Variants in LRRC28 observed in about 807,000 individuals in gnomAD.
LRRC28 encodes leucine rich repeat containing 28.
A neutral mutation model predicts 45.7 loss-of-function variants in LRRC28; 39 were observed. The ratio of observed to expected loss-of-function variants is 0.85; its 90% CI spans 0.66 to 1.12. LRRC28 has a LOEUF of 1.12. Ranked by LOEUF, LRRC28 falls within the 50% of genes most tolerant of loss-of-function variation. LRRC28 has a pLI of 0.00. For missense variants in LRRC28, 435 were observed against 438.5 expected (o/e 0.99, Z 0.07); for synonymous variants, 206 against 178.8 (o/e 1.15, Z -1.22).
intron 6 of LRRC28, among the ~76,000 whole-genome samples, chr15:99,347,303 G>A (rs768745585): frequency 9.2e-5 from 14 of 151,700 alleles, no homozygotes; most frequent in South Asian, 4.2e-4. Context: ...TCCGCCTCCC[G>A]GGTTCACGCC....
At chr15:99,318,841 T>C (rs1463572203) in intron 5 of LRRC28, among the ~76,000 whole-genome samples, 1 of 152,080 alleles carries the variant, frequency 6.6e-6, no homozygotes, top group African/African-American at 2.4e-5. Flanking sequence ...TGTGCATGTG[T>C]TTTTCCAGTG....
At chr15:99,312,800 CG>C (rs1955460433) in intron 5 of LRRC28, among the ~76,000 whole-genome samples, 1 of 152,052 alleles carries the variant, frequency 6.6e-6, no homozygotes, top group Non-Finnish European at 1.5e-5. Context: ...GTCTTCTCTG[CG>C]GTCTATTGTT....
At chr15:99,308,432 C>T (rs918906673) in intron 5 of LRRC28, among the ~76,000 whole-genome samples, 2 of 151,966 alleles carry the variant, frequency 1.3e-5, no homozygotes, top group African/African-American at 4.8e-5. Context: ...TTTGGGAGGC[C>T]GAGGTAGGAG....
chr15:99,343,346 A>T (rs1216204327), intron 6 of LRRC28, among the ~76,000 whole-genome samples: 1 of 152,168 alleles, frequency 6.6e-6, no homozygotes, highest in Non-Finnish European at 1.5e-5. Flanking sequence ...GCTTGCTTTT[A>T]CAGTATGGTT....
At chr15:99,371,820 G>A (rs911393645) in intron 9 of LRRC28, among the ~76,000 whole-genome samples, 1 of 152,196 alleles carries the variant, frequency 6.6e-6, no homozygotes, top group African/African-American at 2.4e-5. Context: ...TTGACCATCT[G>A]TCATGGGCTG....
At chr15:99,333,791 C>G in intron 5 of LRRC28, 132 bp from the exon 6 acceptor site, 1 of 935,700 alleles carries the variant, frequency 1.1e-6, no homozygotes, top group Non-Finnish European at 1.6e-6. Flanking sequence ...AAATCCTGCA[C>G]TTCAGCATTC....
At chr15:99,335,133 T>C (rs899930567) in intron 6 of LRRC28, among the ~76,000 whole-genome samples, 8 of 152,194 alleles carry the variant, frequency 5.3e-5, no homozygotes, top group Non-Finnish European at 1.2e-4. Context: ...TCAGAGCTTC[T>C]TTCAAGTGAG....
At chr15:99,263,006 G>A (rs888535471) in intron 2 of LRRC28, among the ~76,000 whole-genome samples, 1 of 151,874 alleles carries the variant, frequency 6.6e-6, no homozygotes, top group African/African-American at 2.4e-5. Context: ...TAACTGATAG[G>A]TGAAAAAGAA....
intron 5 of LRRC28, among the ~76,000 whole-genome samples, chr15:99,303,126 A>C (rs910128702): frequency 2.0e-5 from 3 of 152,230 alleles, no homozygotes; most frequent in African/African-American, 7.2e-5. Context: ...TGAGGGTTCC[A>C]GTTCCTCAAC....
Position 99,334,012 on chromosome 15 carries a change from C to T in LRRC28, c.475C>T (p.Leu159=). Reference sequence around the variant, plus strand: ...CGAGAGGCTTCACATGTGCCTTTCTCTGCAGTACCTCACTGTGGACCGAAA... The same window carrying T: ...CGAGAGGCTTCACATGTGCCTTTCTTTGCAGTACCTCACTGTGGACCGAAA... ...LPERLHMCLS[L]QYLTVDRNRL... The change falls in exon 6 of 10, where the codon CTG becomes TTG. Residue 159 remains leucine, a synonymous_variant. Transcript: ENST00000301981. The T allele has an allele frequency of 6.2e-7, 1 of 1,614,160 alleles. No individual in the cohort carries two copies. Among genetic ancestry groups the T allele is most frequent in the Non-Finnish European group, 8.5e-7 (1 of 1,180,028 alleles).
chr15:99,330,538 A>G (rs1304631774), intron 5 of LRRC28, among the ~76,000 whole-genome samples: 1 of 152,120 alleles, frequency 6.6e-6, no homozygotes, highest in Non-Finnish European at 1.5e-5. Context: ...TCTGATATGA[A>G]TATAGCTGCT....
intron 5 of LRRC28, among the ~76,000 whole-genome samples, chr15:99,315,563 T>C (rs1364423432): frequency 6.6e-6 from 1 of 152,224 alleles, no homozygotes; most frequent in East Asian, 1.9e-4. Flanking sequence ...TAGAGACTCA[T>C]ATGCTGTCCA....
Position 99,334,120 on chromosome 15 carries a change from T to C in LRRC28, c.583T>C (p.Leu195=). ...LSMAGNRLAF[L]PLDLGRSREL... ...CATGGCTGGAAACCGTCTTGCATTT[T>C]TGCCACTTGGTAAGTGATTGTGTTT... Residue 195 remains leucine, a synonymous_variant, in exon 6 of 10, where the codon TTG becomes CTG. Coordinates refer to ENST00000301981, the MANE Select transcript of LRRC28 (RefSeq NM_144598.5). 1 of 1,614,148 alleles carries C rather than the reference T, an allele frequency of 6.2e-7. No homozygotes were observed. The highest frequency in any genetic ancestry group is 8.5e-7 in the Non-Finnish European group (1 of 1,179,984).
At chr15:99,368,908 A>G (rs1025316424) in intron 9 of LRRC28, among the ~76,000 whole-genome samples, 2 of 152,308 alleles carry the variant, frequency 1.3e-5, no homozygotes, top group African/African-American at 4.8e-5. Flanking sequence ...ACTCACATCT[A>G]TAAGCAGCAA....
intron 9 of LRRC28, among the ~76,000 whole-genome samples, chr15:99,365,644 T>G (rs116899545): frequency 3.3e-5 from 5 of 152,374 alleles, no homozygotes; most frequent in Non-Finnish European, 5.9e-5. Flanking sequence ...TTCTAATATA[T>G]TCAGTTGTTT....
chr15:99,285,808 T>G (rs1384209362), intron 3 of LRRC28: 1 of 454,760 alleles, frequency 2.2e-6, no homozygotes, highest in Admixed American at 2.9e-5. Context: ...TGAAAAAAAT[T>G]TTTTTAATCA....
chr15:99,325,387 C>T (rs552356260), intron 5 of LRRC28, among the ~76,000 whole-genome samples: 184 of 152,238 alleles, frequency 1.2e-3, no homozygotes, highest in African/African-American at 3.7e-3. Flanking sequence ...TAAAGTTTTA[C>T]TTCTTCTCTT....
rs538278303 is a variant in LRRC28 at position 99,309,148 on chromosome 15, T to C, written c.385+21197T>C. On this transcript the variant is annotated intron_variant, in intron 5 of 9. Coordinates refer to ENST00000301981, the MANE Select transcript of LRRC28 (RefSeq NM_144598.5). ...TGCTGCCATGAGTAAATATACTAAT[T>C]AGGCTTGTTAGTGGTTATTTTCCAT... is the stretch of plus-strand genomic sequence containing the variant. Among the ~76,000 whole-genome samples the C allele has an allele frequency of 2.5e-4, 38 of 152,318 alleles. No homozygotes were observed. In the South Asian group the frequency reaches 7.9e-3, roughly 32 times the overall value.
intron 7 of LRRC28, among the ~76,000 whole-genome samples, chr15:99,358,517 A>G (rs915197127): frequency 4.6e-5 from 7 of 152,190 alleles, no homozygotes; most frequent in Non-Finnish European, 4.4e-5. Context: ...CAGACTTGTC[A>G]AATGATAGAA....
Sources: allele counts gnomAD v4.1 joint callset (sites outside exome capture counted in the v4.1 genomes callset), GRCh38; gene constraint gnomAD v4.1.1; transcripts MANE v1.5; gene names NCBI Gene and HGNC (gene_info 2026-07-23, HGNC 2026-07-21).